ATP9B: variants seen among roughly 807,000 people sequenced by gnomAD.
The protein encoded by ATP9B is probable phospholipid-transporting ATPase IIB.
Under a neutral mutation model 146.1 loss-of-function variants are expected in ATP9B, and 110 were observed. That is an observed-to-expected ratio of 0.75 (90% confidence interval 0.65 to 0.88). The LOEUF (loss-of-function observed/expected upper bound fraction) is 0.88. Ranked by LOEUF, ATP9B falls within the 40% of genes least tolerant of loss-of-function variation. The probability of loss-of-function intolerance (pLI) is 0.00; values close to 1 mark genes in which losing one functional copy is unlikely to be tolerated. For missense variants in ATP9B, 1,499 were observed against 1,496.4 expected, an observed-to-expected ratio of 1.00 and a Z score of -0.03; for synonymous variants, 604 against 569.7, an observed-to-expected ratio of 1.06 and a Z score of -0.86.
At chr18:79,080,381 G>A (rs1001293511) in intron 1 of ATP9B, among the ~76,000 whole-genome samples, 7 of 152,116 alleles carry the variant, frequency 4.6e-5, no homozygotes, top group Non-Finnish European at 8.8e-5. Flanking sequence ...TGTATTCCTA[G>A]TTATTTTATT....
intron 9 of ATP9B, among the ~76,000 whole-genome samples, chr18:79,199,609 A>T (rs541344608): frequency 2.0e-5 from 3 of 152,184 alleles, no homozygotes; most frequent in African/African-American, 7.2e-5. Context: ...CTAAAAATAC[A>T]AAAATTAGCT....
At chr18:79,266,594 G>A (rs2096206393) in intron 12 of ATP9B, among the ~76,000 whole-genome samples, 2 of 151,956 alleles carry the variant, frequency 1.3e-5, no homozygotes, top group African/African-American at 4.8e-5. Flanking sequence ...GTTTATAGAA[G>A]CCTTTTAATG....
intron 11 of ATP9B, among the ~76,000 whole-genome samples, chr18:79,242,875 T>C (rs182556635): frequency 2.6e-4 from 40 of 152,330 alleles, no homozygotes; most frequent in African/African-American, 9.1e-4. Flanking sequence ...ATAAACCTCT[T>C]AGACAGTTTT....
At chr18:79,300,866 A>G (rs1164232094) in intron 13 of ATP9B, among the ~76,000 whole-genome samples, 1 of 152,244 alleles carries the variant, frequency 6.6e-6, no homozygotes, top group Non-Finnish European at 1.5e-5. Context: ...TTCATAATAA[A>G]AAAGTTGGGT....
rs770628713 is a variant in ATP9B at position 79,096,580 on chromosome 18, C to T, written c.224C>T (p.Ala75Val). 5.0e-6 allele frequency: 8 copies of T among 1,614,016 alleles called. No individual in the cohort carries two copies. In the South Asian group the frequency reaches 6.6e-5, roughly 13 times the overall value. ...AGTGATTACCACACCTTACCACGAG[C>T]CAGGATAATGCAAAGGAAAAGAGGA... Reference protein sequence around the residue: ...EESDYHTLPRARIMQRKRGLE... With the variant: ...EESDYHTLPRVRIMQRKRGLE... Residue 75 changes from alanine to valine, a missense_variant, in exon 2 of 30, where the codon GCC becomes GTC. Transcript: ENST00000426216.
At chr18:79,106,442 C>A (rs1480554853) in intron 2 of ATP9B, among the ~76,000 whole-genome samples, 2 of 152,148 alleles carry the variant, frequency 1.3e-5, no homozygotes, top group Non-Finnish European at 2.9e-5. Context: ...ATGCCTTTTA[C>A]TGCTAGCATG....
intron 11 of ATP9B, among the ~76,000 whole-genome samples, chr18:79,244,654 A>G (rs915365560): frequency 6.6e-6 from 1 of 152,234 alleles, no homozygotes; most frequent in African/African-American, 2.4e-5. Context: ...AATATTTAAA[A>G]GTATATTTTA....
intron 11 of ATP9B, among the ~76,000 whole-genome samples, chr18:79,233,295 A>G (rs963733785): frequency 5.3e-5 from 8 of 152,310 alleles, no homozygotes; most frequent in African/African-American, 1.9e-4. Context: ...TCAAGAAAAA[A>G]AAAAGATACA....
intron 13 of ATP9B, among the ~76,000 whole-genome samples, chr18:79,302,963 A>G (rs2096600803): frequency 6.6e-6 from 1 of 152,138 alleles, no homozygotes; most frequent in East Asian, 1.9e-4. Context: ...TCAGTTTTCT[A>G]GTTTTATGTC....
chr18:79,219,541 A>C (rs1408099359), intron 11 of ATP9B, among the ~76,000 whole-genome samples: 8 of 142,776 alleles, frequency 5.6e-5, no homozygotes, highest in Non-Finnish European at 1.1e-4. Context: ...GGATAAGATT[A>C]CTGAAAAGAA....
intron 11 of ATP9B, among the ~76,000 whole-genome samples, chr18:79,242,253 C>A (rs1437827560): frequency 6.6e-6 from 1 of 152,172 alleles, no homozygotes; most frequent in Admixed American, 6.5e-5. Flanking sequence ...AATCCTCTTT[C>A]GTAAACTGAT....
At chr18:79,085,325 C>T (rs973533264) in intron 1 of ATP9B, 5 of 152,224 alleles carry the variant, frequency 3.3e-5, no homozygotes, top group African/African-American at 1.2e-4. Context: ...CACATTTCAA[C>T]ATGAAATTTG....
intron 11 of ATP9B, among the ~76,000 whole-genome samples, chr18:79,217,608 A>T (rs1040320842): frequency 6.6e-6 from 1 of 152,266 alleles, no homozygotes; most frequent in Non-Finnish European, 1.5e-5. Context: ...GTTTTGAGCA[A>T]GCTACACTGG....
At chr18:79,124,452 T>C (rs1249940525) in intron 4 of ATP9B, among the ~76,000 whole-genome samples, 1 of 152,240 alleles carries the variant, frequency 6.6e-6, no homozygotes, top group Admixed American at 6.5e-5. Flanking sequence ...CCATGGCAAA[T>C]ACATGGCACA....
chr18:79,376,958 CA>C (rs2097106594), intron 29 of ATP9B, among the ~76,000 whole-genome samples: 1 of 151,992 alleles, frequency 6.6e-6, no homozygotes, highest in African/African-American at 2.4e-5. Flanking sequence ...CTTGGCCTCC[CA>C]AAAGTGCTGG....
At chr18:79,347,568 C>G (rs1041191148) in intron 23 of ATP9B, among the ~76,000 whole-genome samples, 1 of 152,214 alleles carries the variant, frequency 6.6e-6, no homozygotes, top group African/African-American at 2.4e-5. Context: ...CTTGTGAGAG[C>G]CTGGGCTGGT....
chr18:79,175,198 AAAAAAAAAAAAAAAAG>A (rs889235575), intron 7 of ATP9B, among the ~76,000 whole-genome samples: 8 of 130,526 alleles, frequency 6.1e-5, no homozygotes, highest in African/African-American at 2.8e-4. Context: ...AGACTGTCTC[AAAAAAAAAAAAAAAAG>A]AAAAAAAAAA....
intron 25 of ATP9B, among the ~76,000 whole-genome samples, chr18:79,349,641 C>T (rs1482160963): frequency 1.3e-5 from 2 of 152,188 alleles, no homozygotes; most frequent in Non-Finnish European, 2.9e-5. Flanking sequence ...TCAGTCTGTG[C>T]GTGTGTTAGG....
intron 15 of ATP9B, among the ~76,000 whole-genome samples, chr18:79,324,820 TGAA>T (rs2096735332): frequency 6.6e-6 from 1 of 152,280 alleles, no homozygotes; most frequent in African/African-American, 2.4e-5. Context: ...TTGCTGTCCC[TGAA>T]TTTATAAATA....
Sources: gnomAD v4.1 joint callset for allele counts (sites outside exome capture counted in the v4.1 genomes callset) on GRCh38, gnomAD v4.1.1 for gene constraint, MANE v1.5 for transcripts, NCBI Gene and HGNC (gene_info 2026-07-23, HGNC 2026-07-21) for gene names.